FLT1: variants seen among roughly 807,000 people sequenced by gnomAD.
FLT1 encodes the protein fms related receptor tyrosine kinase 1.
Under a neutral mutation model 156.3 loss-of-function variants are expected in FLT1, and 49 were observed. The ratio of observed to expected loss-of-function variants is 0.31; its 90% CI spans 0.25 to 0.40. FLT1 has a LOEUF of 0.40. Ranked by LOEUF, FLT1 falls within the 10% of genes least tolerant of loss-of-function variation. The probability of loss-of-function intolerance (pLI) is 1.00; values close to 1 mark genes in which losing one functional copy is unlikely to be tolerated. For missense variants in FLT1, 1,322 were observed against 1,637.2 expected, an observed-to-expected ratio of 0.81 and a Z score of 3.32; for synonymous variants, 594 against 583.8, an observed-to-expected ratio of 1.02 and a Z score of -0.25.
rs570882629 is a variant in FLT1 at position 28,322,678 on chromosome 13, C to A, written c.2953+112G>T. The stretch of plus-strand genomic sequence containing the variant: ...CTTATCTCCTCAGGACATTACCATT[C>A]GAGTCTCCCACGGATGTTTATTAGA... On this transcript the variant is annotated intron_variant, in intron 21 of 29. Transcript: ENST00000282397. This position sits in a 1 kb window ranked among gnomAD's most constrained non-coding sequence, Gnocchi z 4.3. 3.1e-6 allele frequency: 3 copies of A among 953,076 alleles called. No individual in the cohort carries two copies. Among genetic ancestry groups the A allele is most frequent in the South Asian group, 2.6e-5 (2 of 76,614 alleles). 59.0% of individuals were successfully genotyped at this position (953,076 alleles called of 1,614,324 possible). A position where few individuals can be genotyped will look rare whatever the true frequency, so the allele number is the denominator to read the frequency against.
chr13:28,385,309 C>T (rs1383149393), intron 13 of FLT1, among the ~76,000 whole-genome samples: 2 of 152,166 alleles, frequency 1.3e-5, no homozygotes, highest in African/African-American at 4.8e-5. Context: ...TAGTTTCCTT[C>T]CTTTTTTTGA....
At chr13:28,431,111 G>A (rs1189695020) in intron 7 of FLT1, 25 bp downstream of exon 7, 1 of 1,590,112 alleles carries the variant, frequency 6.3e-7, no homozygotes, top group African/African-American at 1.3e-5. Context: ...CATAGCATGA[G>A]TTGGCAACGC....
intron 10 of FLT1, among the ~76,000 whole-genome samples, chr13:28,412,332 T>TCTTTCTTTC (rs376788111): frequency 0.35 from 17,321 of 49,084 alleles, 2,152 homozygotes; most frequent in East Asian, 0.45. Context: ...TTTCTTTCTT[T>TCTTTCTTTC]TCTTTCTTTC....
At chr13:28,332,097 G>A (rs1329784051) in intron 18 of FLT1, among the ~76,000 whole-genome samples, 2 of 152,088 alleles carry the variant, frequency 1.3e-5, no homozygotes, top group African/African-American at 4.8e-5. Flanking sequence ...GTGTGATGGT[G>A]TGAGCCTCTA....
At chr13:28,448,467 A>G (rs1878737140) in intron 3 of FLT1, among the ~76,000 whole-genome samples, 1 of 152,272 alleles carries the variant, frequency 6.6e-6, no homozygotes, top group East Asian at 1.9e-4. Context: ...GATACATGAA[A>G]GAACCTCAAA....
At chr13:28,453,832 C>T (rs950212929) in intron 3 of FLT1, among the ~76,000 whole-genome samples, 1 of 152,024 alleles carries the variant, frequency 6.6e-6, no homozygotes, top group African/African-American at 2.4e-5. Flanking sequence ...TGTACTATAC[C>T]CTGTGCTGGG....
At chr13:28,450,537 G>C (rs1352120594) in intron 3 of FLT1, among the ~76,000 whole-genome samples, 1 of 151,902 alleles carries the variant, frequency 6.6e-6, no homozygotes, top group Non-Finnish European at 1.5e-5. Flanking sequence ...GGAAAGGAGG[G>C]AGAGAGGGAG....
intron 10 of FLT1, among the ~76,000 whole-genome samples, chr13:28,410,168 T>A (rs1876068828): frequency 6.6e-6 from 1 of 152,208 alleles, no homozygotes; most frequent in Non-Finnish European, 1.5e-5. Flanking sequence ...CAATTCTTAT[T>A]TTTAGATTTT....
chr13:28,377,460 C>T (rs1361101099), intron 14 of FLT1, among the ~76,000 whole-genome samples: 1 of 144,690 alleles, frequency 6.9e-6, no homozygotes, highest in Admixed American at 7.8e-5. Context: ...TATTAATTTG[C>T]CTTATTCCAT....
chr13:28,423,818 A>G (rs75169921), intron 10 of FLT1, among the ~76,000 whole-genome samples: 41 of 152,348 alleles, frequency 2.7e-4, no homozygotes, highest in African/African-American at 9.9e-4. Context: ...AGGAATATCT[A>G]TTTAGAAGTC....
rs1398511409 is a variant in FLT1 at position 28,308,999 on chromosome 13, G to A, written c.3636-72C>T. The A allele has an allele frequency of 2.3e-5, 20 of 852,120 alleles. No individual in the cohort carries two copies. The Admixed American group carries it at 3.3e-4, about 14-fold the overall frequency. The allele number at this position is 852,120 out of a possible 1,614,324, so 52.8% of individuals were successfully genotyped here. ...GCTCTAATGAGTCAGGAGACCACAG[G>A]CACCATATCCCAGCTAAGATGAACC... On this transcript the variant is annotated intron_variant, in intron 27 of 29. Coordinates refer to ENST00000282397, the MANE Select transcript of FLT1 (RefSeq NM_002019.4).
At chr13:28,356,092 G>A (rs1872888888) in intron 15 of FLT1, among the ~76,000 whole-genome samples, 1 of 152,200 alleles carries the variant, frequency 6.6e-6, no homozygotes, top group Non-Finnish European at 1.5e-5. Flanking sequence ...GTCATGGGGT[G>A]AGGGGAGGGG....
intron 1 of FLT1, among the ~76,000 whole-genome samples, chr13:28,472,197 A>G (rs920508183): frequency 5.9e-5 from 9 of 152,202 alleles, no homozygotes; most frequent in African/African-American, 2.2e-4. Context: ...GTGTTCTAAA[A>G]TGCCACCCCT....
In FLT1 at chr13:28,301,616, T is replaced by C. The variant is rs549982355; in HGVS notation, c.*1551A>G. 3.9e-5 allele frequency: 9 copies of C among 233,380 alleles called. 1 individual carries two copies. The East Asian group carries it at 4.2e-4, about 11-fold the overall frequency. 14.5% of individuals were successfully genotyped at this position (233,380 alleles called of 1,614,324 possible). ...AGAAGCAGCAATCCACTGTTGCCTC[T>C]CCAGCTTCTGACTGGCTGCAGAAGG... On this transcript the variant is annotated 3_prime_UTR_variant, in exon 30 of 30. Transcript: ENST00000282397.
Position 28,301,362 on chromosome 13 carries a change from A to T in FLT1, c.*1805T>A. ...TGTTTGGATTTAGATCTTGGTGGAG[A>T]GGACTGTCCCACTCCTCTCTTCTGG... On this transcript the variant is annotated 3_prime_UTR_variant, in exon 30 of 30. Transcript: ENST00000282397. 4.3e-6 allele frequency: 1 copy of T among 233,026 alleles called. No homozygotes were observed. Among genetic ancestry groups the T allele is most frequent in the Non-Finnish European group, 8.5e-6 (1 of 117,964 alleles). The allele number at this position is 233,026 out of a possible 1,614,324, so 14.4% of individuals were successfully genotyped here.
At chr13:28,326,629 G>T (rs1054997217) in intron 20 of FLT1, among the ~76,000 whole-genome samples, 3 of 146,588 alleles carry the variant, frequency 2.0e-5, no homozygotes, top group Non-Finnish European at 4.5e-5. Flanking sequence ...AGGCTCAAGC[G>T]ATTCTCCTGC....
chr13:28,472,963 A>T (rs1458764956), intron 1 of FLT1, among the ~76,000 whole-genome samples: 2 of 152,242 alleles, frequency 1.3e-5, no homozygotes, highest in Admixed American at 1.3e-4. Context: ...CACCTTCCCA[A>T]AGAAGATATA....
intron 1 of FLT1, among the ~76,000 whole-genome samples, chr13:28,474,861 T>G (rs549566051): frequency 1.2e-4 from 19 of 152,322 alleles, no homozygotes; most frequent in African/African-American, 4.6e-4. Context: ...GTATGTGAGA[T>G]TTACCTCAAT....
At chr13:28,327,371 C>T in intron 20 of FLT1, 91 bp downstream of exon 20, 1 of 815,118 alleles carries the variant, frequency 1.2e-6, no homozygotes, top group Non-Finnish European at 2.2e-6. Context: ...TCATTAACAA[C>T]ACAATACAGG....
Sources: allele counts gnomAD v4.1 joint callset (sites outside exome capture counted in the v4.1 genomes callset), GRCh38; gene constraint gnomAD v4.1.1; non-coding constraint Gnocchi (gnomAD v3.1); transcripts MANE v1.5; gene names NCBI Gene and HGNC (gene_info 2026-07-23, HGNC 2026-07-21).